Variants in FHIT observed in about 807,000 individuals in gnomAD.
FHIT encodes fragile histidine triad diadenosine triphosphatase.
Under a neutral mutation model 17.9 loss-of-function variants are expected in FHIT, and 19 were observed. The observed-to-expected ratio is 1.06, with a 90% confidence interval of 0.74 to 1.56. FHIT has a LOEUF of 1.56. Among genes scored for constraint, FHIT ranks in the 40% most tolerant of loss-of-function variants. The probability of loss-of-function intolerance (pLI) is 0.00; values close to 1 mark genes in which losing one functional copy is unlikely to be tolerated. For synonymous variants in FHIT, 81 were observed against 69.7 expected, an observed-to-expected ratio of 1.16 and a Z score of -0.81; for missense variants, 248 against 189.2, an observed-to-expected ratio of 1.31 and a Z score of -1.82.
At position 60,156,416 on chromosome 3, in the gene FHIT, G is replaced by A. The variant is rs573437053; in HGVS notation, c.104-142264C>T. On this transcript the variant is annotated intron_variant, in intron 5 of 9. Coordinates refer to ENST00000492590, the MANE Select transcript of FHIT (RefSeq NM_002012.4). ...ATTGTTTTAAAACTCAGATGTTATAGTAGCTTTGCATCGGAGATACAATCC... is the reference window on the plus strand; with the variant it reads ...ATTGTTTTAAAACTCAGATGTTATAATAGCTTTGCATCGGAGATACAATCC... Among the ~76,000 whole-genome samples the A allele has an allele frequency of 3.3e-5, 5 of 151,498 alleles. No homozygotes were observed. The South Asian group carries it at 1.1e-3, about 32-fold the overall frequency.
intron 5 of FHIT, among the ~76,000 whole-genome samples, chr3:60,127,399 CT>C (rs1227817738): frequency 6.6e-6 from 1 of 152,086 alleles, no homozygotes; most frequent in Non-Finnish European, 1.5e-5. Context: ...CTATAAATGG[CT>C]TCTGCAAGTG....
At chr3:60,398,887 AT>A in intron 5 of FHIT, among the ~76,000 whole-genome samples, 1 of 9,242 alleles carries the variant, frequency 1.1e-4, no homozygotes, top group South Asian at 0.1. Context: ...TTTAAAAATA[AT>A]AAAAAAAATT....
chr3:60,742,978 T>C lies in FHIT; in HGVS notation c.-18+78941A>G, dbSNP rs138231732. 1.2e-3 allele frequency among the ~76,000 whole-genome samples: 176 copies of C among 152,370 alleles called. 1 individual carries two copies. Among genetic ancestry groups the C allele is most frequent in the Non-Finnish European group, 1.8e-3 (125 of 68,034 alleles). On this transcript the variant is annotated intron_variant, in intron 4 of 9. Transcript: ENST00000492590. ...TTCAAAGGTCTGCCCTGAAGGCAAG[T>C]TGACAACACCCAGGCTTGGTTCTCC... is the stretch of plus-strand genomic sequence containing the variant.
At chr3:60,026,308 G>T (rs1398100691) in intron 5 of FHIT, among the ~76,000 whole-genome samples, 1 of 123,980 alleles carries the variant, frequency 8.1e-6, no homozygotes, top group African/African-American at 3.5e-5. Context: ...TGAACGAATG[G>T]TTGGTTTAGA....
At chr3:61,141,155 G>A (rs905386135) in intron 2 of FHIT, among the ~76,000 whole-genome samples, 1 of 151,738 alleles carries the variant, frequency 6.6e-6, no homozygotes, top group South Asian at 2.1e-4. Context: ...TGAAGTTTCC[G>A]GTGATTTCTT....
intron 1 of FHIT, among the ~76,000 whole-genome samples, chr3:61,200,913 C>G (rs1297069801): frequency 1.3e-5 from 2 of 152,202 alleles, no homozygotes; most frequent in Admixed American, 1.3e-4. Context: ...ACAGTCAAAT[C>G]TTTTGGAGTG....
intron 5 of FHIT, among the ~76,000 whole-genome samples, chr3:60,045,097 A>C (rs1701597494): frequency 6.6e-6 from 1 of 152,192 alleles, no homozygotes; most frequent in Non-Finnish European, 1.5e-5. Context: ...ATGGGTATAC[A>C]GTTTCAGTTT....
chr3:60,329,615 C>A (rs1709865950), intron 5 of FHIT, among the ~76,000 whole-genome samples: 1 of 152,174 alleles, frequency 6.6e-6, no homozygotes, highest in Non-Finnish European at 1.5e-5. Context: ...AGGTGAGTAA[C>A]TAGCAGCAGA....
intron 8 of FHIT, among the ~76,000 whole-genome samples, chr3:59,921,502 T>A (rs1705402689): frequency 6.6e-6 from 1 of 152,214 alleles, no homozygotes; most frequent in South Asian, 2.1e-4. Context: ...TTGGCAGGCG[T>A]TGCTAATCAA....
Position 59,922,968 on chromosome 3 carries a change from C to A in FHIT, c.280-554G>T, listed in dbSNP as rs575752909. ...TTCTTCATTTAGTACTCTTAAAAAT[C>A]CTATGAGGTGGCCGGGCACGGTGGC... On this transcript the variant is annotated intron_variant, in intron 7 of 9. Transcript: ENST00000492590. Among the ~76,000 whole-genome samples the A allele has an allele frequency of 2.6e-5, 4 of 152,024 alleles. No homozygotes were observed. The South Asian group carries it at 8.3e-4, about 32-fold the overall frequency.
At chr3:60,951,480 C>T (rs1016254493) in intron 3 of FHIT, among the ~76,000 whole-genome samples, 4 of 152,260 alleles carry the variant, frequency 2.6e-5, no homozygotes, top group Middle Eastern at 3.4e-3. Flanking sequence ...CCGTAACAAG[C>T]AAACGAAGAG....
At chr3:60,449,433 C>G (rs569821751) in intron 5 of FHIT, among the ~76,000 whole-genome samples, 2 of 151,902 alleles carry the variant, frequency 1.3e-5, no homozygotes, top group South Asian at 4.2e-4. Flanking sequence ...CGCATACACA[C>G]ACACACACAC....
At chr3:60,386,537 T>C (rs2107135187) in intron 5 of FHIT, among the ~76,000 whole-genome samples, 1 of 152,290 alleles carries the variant, frequency 6.6e-6, no homozygotes, top group Non-Finnish European at 1.5e-5. Context: ...ACTGCTCTCA[T>C]ATATACCCAG....
chr3:60,570,397 A>G (rs2037333170), intron 4 of FHIT, among the ~76,000 whole-genome samples: 1 of 152,176 alleles, frequency 6.6e-6, no homozygotes. Flanking sequence ...CTCCAGGCAC[A>G]GCATCCTCTG....
chr3:60,617,040 T>A (rs946349340), intron 4 of FHIT: 1 of 205,454 alleles, frequency 4.9e-6, no homozygotes, highest in Admixed American at 4.4e-5. Context: ...ACTATGGAAG[T>A]GGATACTGAC....
intron 1 of FHIT, among the ~76,000 whole-genome samples, chr3:61,243,681 T>G (rs546819126): frequency 6.6e-6 from 1 of 152,280 alleles, no homozygotes; most frequent in African/African-American, 2.4e-5. Context: ...CTGAGTTTCT[T>G]TGGAACACAG....
intron 4 of FHIT, chr3:60,732,652 G>A: frequency 2.4e-6 from 1 of 412,614 alleles, no homozygotes. Flanking sequence ...ATAGTAGGGT[G>A]CTCCCGGCAG....
At chr3:60,682,250 G>A (rs1232587018) in intron 4 of FHIT, among the ~76,000 whole-genome samples, 2 of 151,986 alleles carry the variant, frequency 1.3e-5, no homozygotes, top group Admixed American at 6.6e-5. Flanking sequence ...GGATTACAGG[G>A]GTAAGCCACC....
chr3:60,269,101 T>A (rs1221320797), intron 5 of FHIT, among the ~76,000 whole-genome samples: 1 of 152,232 alleles, frequency 6.6e-6, no homozygotes. Flanking sequence ...TCCAGAGTTG[T>A]TAAATGATTT....
Sources: gnomAD v4.1 joint callset for allele counts (sites outside exome capture counted in the v4.1 genomes callset) on GRCh38, gnomAD v4.1.1 for gene constraint, MANE v1.5 for transcripts, NCBI Gene and HGNC (gene_info 2026-07-23, HGNC 2026-07-21) for gene names.